The following SLC39A11 variants were observed in gnomAD, a reference collection of about 807,000 sequenced individuals.
SLC39A11 encodes the protein zinc transporter ZIP11.
SLC39A11 carries 33 observed loss-of-function variants against 36.1 expected under a neutral mutation model. The observed-to-expected ratio is 0.91, with a 90% CI of 0.69 to 1.22. The LOEUF is 1.22. Ranked by LOEUF, SLC39A11 falls within the 50% of genes most tolerant of loss-of-function variation. The probability of loss-of-function intolerance (pLI) is 0.00; values close to 1 mark genes in which losing one functional copy is unlikely to be tolerated. For missense variants in SLC39A11, 432 were observed against 430.3 expected (o/e 1.00, Z -0.03); for synonymous variants, 166 against 170.3 (o/e 0.97, Z 0.20).
In SLC39A11 at chr17:73,005,687, G is replaced by A. The variant is rs768969131; in HGVS notation, c.306+25869C>T. 6.0e-4 allele frequency among the ~76,000 whole-genome samples: 91 copies of A among 152,296 alleles called. 1 individual carries two copies. Among genetic ancestry groups the A allele is most frequent in the East Asian group, 1.2e-3 (6 of 5,184 alleles). On this transcript the variant is annotated intron_variant, in intron 4 of 9. Transcript: ENST00000255559. The stretch of plus-strand genomic sequence containing the variant: ...AGTGACCTCAGCCATGGTGGCTCAC[G>A]CCTGTAATCCCAACACTTTGGAAGG...
chr17:72,926,763 T>C (rs1263117193), intron 5 of SLC39A11, among the ~76,000 whole-genome samples: 1 of 152,142 alleles, frequency 6.6e-6, no homozygotes, highest in Non-Finnish European at 1.5e-5. Flanking sequence ...GTTGTTATCT[T>C]TGACCCCAAA....
chr17:73,056,838 G>A (rs536751681), intron 3 of SLC39A11, among the ~76,000 whole-genome samples: 45 of 152,336 alleles, frequency 3.0e-4, no homozygotes, highest in African/African-American at 1.0e-3. Flanking sequence ...TAGAGAAAGA[G>A]AGAACTTTAC....
At chr17:72,829,104 C>T (rs1439274417) in intron 6 of SLC39A11, among the ~76,000 whole-genome samples, 2 of 152,104 alleles carry the variant, frequency 1.3e-5, no homozygotes, top group Non-Finnish European at 2.9e-5. Flanking sequence ...GTAATCCCAG[C>T]ACTTTGAGAG....
chr17:73,004,861 G>A lies in SLC39A11; in HGVS notation c.306+26695C>T, dbSNP rs116126761. ...GAATATTGGAAGGAAAGGGGCCATCGGCTCATGGAATACCCAAACAGTCCA... is the reference window on the plus strand; with the variant it reads ...GAATATTGGAAGGAAAGGGGCCATCAGCTCATGGAATACCCAAACAGTCCA... On this transcript the variant is annotated intron_variant, in intron 4 of 9. Transcript: ENST00000255559. Among the ~76,000 whole-genome samples the A allele has an allele frequency of 2.2e-3, 333 of 151,500 alleles. 1 individual carries two copies. Among genetic ancestry groups the A allele is most frequent in the African/African-American group, 7.6e-3 (311 of 40,952 alleles).
chr17:72,991,967 G>C (rs1424302173), intron 4 of SLC39A11, among the ~76,000 whole-genome samples: 1 of 152,192 alleles, frequency 6.6e-6, no homozygotes, highest in Non-Finnish European at 1.5e-5. Flanking sequence ...CAGTGCATGA[G>C]AGTTCCTATT....
chr17:72,973,560 G>C (rs967845567), intron 4 of SLC39A11, among the ~76,000 whole-genome samples: 17 of 152,050 alleles, frequency 1.1e-4, no homozygotes, highest in African/African-American at 3.4e-4. Flanking sequence ...AAGGATAAGT[G>C]GATTTTTTTC....
At chr17:72,882,360 T>TAA (rs11332921) in intron 5 of SLC39A11, among the ~76,000 whole-genome samples, 4 of 126,274 alleles carry the variant, frequency 3.2e-5, no homozygotes, top group Non-Finnish European at 3.4e-5. Flanking sequence ...TTCCTATATC[T>TAA]AAAAAAAAAA....
chr17:72,801,854 G>A (rs568698999), intron 6 of SLC39A11, among the ~76,000 whole-genome samples: 175 of 152,270 alleles, frequency 1.1e-3, no homozygotes, highest in African/African-American at 3.8e-3. Context: ...TGGTATGTCA[G>A]TTATGCCTCA....
At chr17:72,681,232 GT>G (rs1291259597) in intron 7 of SLC39A11, among the ~76,000 whole-genome samples, 2 of 152,158 alleles carry the variant, frequency 1.3e-5, no homozygotes, top group African/African-American at 2.4e-5. Flanking sequence ...CGGTCTACAT[GT>G]TTTTGTTTGA....
chr17:72,719,897 C>A (rs1219304966), intron 7 of SLC39A11, among the ~76,000 whole-genome samples: 1 of 151,958 alleles, frequency 6.6e-6, no homozygotes, highest in East Asian at 1.9e-4. Context: ...TGCTGCCCGG[C>A]GGATGGGGGA....
chr17:72,734,118 T>C (rs2074333537), intron 7 of SLC39A11, among the ~76,000 whole-genome samples: 1 of 152,146 alleles, frequency 6.6e-6, no homozygotes, highest in African/African-American at 2.4e-5. Context: ...CACTATCCTT[T>C]TGTCCCTATC....
At chr17:72,849,926 C>G (rs2079227198) in intron 5 of SLC39A11, 122 bp from the exon 6 acceptor site, 3 of 969,012 alleles carry the variant, frequency 3.1e-6, no homozygotes, top group Non-Finnish European at 1.4e-6. Flanking sequence ...CAGGGTCTTA[C>G]TCTGTCACCC....
At position 72,837,675 on chromosome 17, in the gene SLC39A11, C is replaced by T. The variant is rs552557800; in HGVS notation, c.601+11959G>A. ...AAGTGATGAAACAGTAAACAAAACA[C>T]GGTGTATCCATAGAATAGAGTATTA... On this transcript the variant is annotated intron_variant, in intron 6 of 9. Transcript: ENST00000255559. The T allele has an allele frequency of 1.4e-4, 25 of 173,940 alleles. No homozygotes were observed. In the East Asian group the frequency reaches 2.0e-3, roughly 14 times the overall value. The allele number at this position is 173,940 out of a possible 1,614,324, so 10.8% of individuals were successfully genotyped here.
At chr17:72,972,512 G>A (rs1326339331) in intron 4 of SLC39A11, among the ~76,000 whole-genome samples, 2 of 152,118 alleles carry the variant, frequency 1.3e-5, no homozygotes, top group Non-Finnish European at 2.9e-5. Flanking sequence ...CAAACACAGC[G>A]AGCTCTTTAA....
At position 72,822,811 on chromosome 17, in the gene SLC39A11, C is replaced by T. The variant is rs2077851233; in HGVS notation, c.601+26823G>A. The stretch of plus-strand genomic sequence containing the variant: ...CTCACTGCAGCTTCAACCTCCTGGG[C>T]TCAAGCAATCCTCTCATCTCAGCCT... On this transcript the variant is annotated intron_variant, in intron 6 of 9. Coordinates refer to ENST00000255559, the MANE Select transcript of SLC39A11 (RefSeq NM_139177.4). Among the ~76,000 whole-genome samples the T allele has an allele frequency of 1.3e-5, 2 of 151,044 alleles. 1 individual carries two copies. Among genetic ancestry groups the T allele is most frequent in the Non-Finnish European group, 3.0e-5 (2 of 67,426 alleles).
At chr17:73,045,380 CAG>C (rs1274958087) in intron 3 of SLC39A11, among the ~76,000 whole-genome samples, 1 of 49,148 alleles carries the variant, frequency 2.0e-5, no homozygotes, top group Non-Finnish European at 3.8e-5. Context: ...GCCATGAAAA[CAG>C]AGTTAAAAAA....
chr17:73,082,550 G>C (rs2060578988), intron 3 of SLC39A11, among the ~76,000 whole-genome samples: 1 of 151,612 alleles, frequency 6.6e-6, no homozygotes, highest in Non-Finnish European at 1.5e-5. Context: ...TGAGAGGATG[G>C]GGGAAAAAAA....
At chr17:72,882,527 G>T (rs1183608503) in intron 5 of SLC39A11, among the ~76,000 whole-genome samples, 4 of 152,082 alleles carry the variant, frequency 2.6e-5, no homozygotes, top group Admixed American at 1.3e-4. Flanking sequence ...TAACTTCCTG[G>T]CTCTCTGCAA....
chr17:72,948,704 G>A (rs1750329961), intron 4 of SLC39A11, among the ~76,000 whole-genome samples: 1 of 152,216 alleles, frequency 6.6e-6, no homozygotes, highest in South Asian at 2.1e-4. Context: ...GTTAAGCACT[G>A]ATCAGTTTGA....
Sources: gnomAD v4.1 joint callset for allele counts (sites outside exome capture counted in the v4.1 genomes callset) on GRCh38, gnomAD v4.1.1 for gene constraint, MANE v1.5 for transcripts, NCBI Gene and HGNC (gene_info 2026-07-23, HGNC 2026-07-21) for gene names.